Variants in PBX4 observed in about 807,000 individuals in gnomAD.
The protein encoded by PBX4 is pre-B-cell leukemia transcription factor 4.
Under a neutral mutation model 35.1 loss-of-function variants are expected in PBX4, and 26 were observed. That is an observed-to-expected ratio of 0.74 (90% confidence interval 0.54 to 1.03). The LOEUF is 1.03. Ranked by LOEUF, PBX4 falls within the 50% of genes least tolerant of loss-of-function variation. The pLI is 0.00. For missense variants in PBX4, 448 were observed against 504.3 expected (o/e 0.89, Z 1.07); for synonymous variants, 199 against 204.2 (o/e 0.97, Z 0.22).
At chr19:19,617,142 C>T (rs1240219660) in intron 1 of PBX4, among the ~76,000 whole-genome samples, 2 of 152,154 alleles carry the variant, frequency 1.3e-5, no homozygotes, top group African/African-American at 4.8e-5. Context: ...AGCATGCAAC[C>T]CCTATCCCTA....
At chr19:19,579,971 G>C (rs899868341) in intron 2 of PBX4, 1 of 152,382 alleles carries the variant, frequency 6.6e-6, no homozygotes, top group Non-Finnish European at 1.5e-5. Flanking sequence ...CGGAATGAGC[G>C]TTGGAGACGG....
chr19:19,580,992 C>T (rs1477933331), intron 2 of PBX4, among the ~76,000 whole-genome samples: 1 of 152,202 alleles, frequency 6.6e-6, no homozygotes, highest in Non-Finnish European at 1.5e-5. Context: ...CTTGGCCTCC[C>T]AAAGTGCTAG....
At chr19:19,568,516 C>T (rs1410026769) in intron 5 of PBX4, among the ~76,000 whole-genome samples, 1 of 144,568 alleles carries the variant, frequency 6.9e-6, no homozygotes, top group Non-Finnish European at 1.5e-5. Flanking sequence ...GGAGCTCACA[C>T]TCCATCTGTA....
chr19:19,573,328 TATACACACACAC>T (rs1183872549), intron 2 of PBX4, among the ~76,000 whole-genome samples: 4 of 92,138 alleles, frequency 4.3e-5, no homozygotes, highest in Admixed American at 1.4e-4. Context: ...AAAAAAAAAA[TATACACACACAC>T]ACACACACAC....
At chr19:19,610,848 C>A (rs1456558547) in intron 1 of PBX4, among the ~76,000 whole-genome samples, 1 of 152,278 alleles carries the variant, frequency 6.6e-6, no homozygotes, top group Middle Eastern at 3.4e-3. Context: ...GCTAAGCCTG[C>A]AAGCAAGCTA....
At chr19:19,609,034 G>A (rs2061647319) in intron 1 of PBX4, among the ~76,000 whole-genome samples, 1 of 152,278 alleles carries the variant, frequency 6.6e-6, no homozygotes, top group East Asian at 1.9e-4. Flanking sequence ...ACTTTTAAAA[G>A]TGTCCTGTAA....
At chr19:19,582,081 C>A (rs925686964) in intron 2 of PBX4, among the ~76,000 whole-genome samples, 9 of 152,120 alleles carry the variant, frequency 5.9e-5, no homozygotes, top group African/African-American at 9.7e-5. Flanking sequence ...GAACCCAAGG[C>A]CCCCTACCTT....
At chr19:19,605,156 G>A (rs2061622198) in intron 1 of PBX4, among the ~76,000 whole-genome samples, 2 of 151,170 alleles carry the variant, frequency 1.3e-5, no homozygotes, top group African/African-American at 2.4e-5. Context: ...AGTGGCTCAC[G>A]CCTGGAATCC....
chr19:19,591,600 A>G (rs1177027306), intron 2 of PBX4, among the ~76,000 whole-genome samples: 3 of 152,212 alleles, frequency 2.0e-5, no homozygotes, highest in Non-Finnish European at 2.9e-5. Flanking sequence ...GCCCCTTCTC[A>G]AGAACGGCCC....
chr19:19,570,570 C>A lies in PBX4; in HGVS notation c.441+16G>T, dbSNP rs375960703. The A allele has an allele frequency of 6.2e-7, 1 of 1,609,608 alleles. No individual in the cohort carries two copies. The highest frequency in any genetic ancestry group is 1.3e-5 in the African/African-American group (1 of 74,862). On this transcript the variant is annotated intron_variant, in intron 3 of 7. Transcript: ENST00000251203. ...CGCATTCACATGACAGAAACTCTTC[C>A]ATGCAGAAAGATCACCTGTTCATAT...
intron 1 of PBX4, among the ~76,000 whole-genome samples, chr19:19,603,918 C>T (rs540020582): frequency 1.6e-4 from 24 of 145,966 alleles, no homozygotes; most frequent in Non-Finnish European, 2.4e-4. Context: ...GCCGAGAACA[C>T]GCCACTGCAT....
chr19:19,618,547 G>T lies in PBX4; in HGVS notation c.83C>A (p.Ala28Asp). ...CTCGTCCAGGCTCTGGTCGGTGATG[G>T]CCATGATCTGCTGCAGGACGTCGCT... Reference protein sequence around the residue: ...DTSDVLQQIMAITDQSLDEAQ... With the variant: ...DTSDVLQQIMDITDQSLDEAQ... Residue 28 changes from alanine to aspartate, a missense_variant, in exon 1 of 8, where the codon GCC (alanine) becomes GAC (aspartate). Transcript: ENST00000251203. 1 of 1,453,826 alleles carries T rather than the reference G, an allele frequency of 6.9e-7. No individual in the cohort carries two copies. The allele number at this position is 1,453,826 out of a possible 1,614,324, so 90.1% of individuals were successfully genotyped here. A position where few individuals can be genotyped will look rare whatever the true frequency, so the allele number is the denominator to read the frequency against.
chr19:19,603,054 C>A (rs1223680555), intron 1 of PBX4, among the ~76,000 whole-genome samples: 1 of 152,150 alleles, frequency 6.6e-6, no homozygotes, highest in Non-Finnish European at 1.5e-5. Flanking sequence ...CCATGCCATG[C>A]CCATTCCTTC....
At chr19:19,593,560 C>T (rs1419256052) in intron 2 of PBX4, among the ~76,000 whole-genome samples, 1 of 152,128 alleles carries the variant, frequency 6.6e-6, no homozygotes, top group African/African-American at 2.4e-5. Context: ...ACAGGTGGGA[C>T]CCACAGCACT....
At position 19,599,339 on chromosome 19, in the gene PBX4, A is replaced by G. The variant is rs2061581943; in HGVS notation, c.146T>C (p.Met49Thr). ...GAGCACGCTGAACAGAGCAGGCTTC[A>G]TCCGATGGCAATTCAGAGCATGCTT... Reference protein sequence around the residue: ...ARKHALNCHRMKPALFSVLCE... With the variant: ...ARKHALNCHRTKPALFSVLCE... The change falls in exon 2 of 8, where the codon ATG becomes ACG. Residue 49 changes from methionine (M) to threonine (T), a missense_variant. Coordinates refer to ENST00000251203, the MANE Select transcript of PBX4 (RefSeq NM_025245.3). 1 of 1,613,558 alleles carries G rather than the reference A, an allele frequency of 6.2e-7. No individual in the cohort carries two copies. The highest frequency in any genetic ancestry group is 8.5e-7 in the Non-Finnish European group (1 of 1,179,654).
chr19:19,618,408 C>T, intron 1 of PBX4, 103 bp downstream of exon 1: 1 of 1,131,544 alleles, frequency 8.8e-7, no homozygotes, highest in Non-Finnish European at 1.1e-6. Flanking sequence ...TCCAGCCCTC[C>T]TCAAGCGCCC....
chr19:19,588,330 T>C (rs2061503775), intron 2 of PBX4: 5 of 1,128,316 alleles, frequency 4.4e-6, no homozygotes, highest in Middle Eastern at 2.0e-4. Context: ...AGATAACACA[T>C]TTGCCATCAC....
chr19:19,571,545 G>A (rs570935930), intron 2 of PBX4, among the ~76,000 whole-genome samples: 1 of 152,200 alleles, frequency 6.6e-6, no homozygotes, highest in African/African-American at 2.4e-5. Context: ...GGTATACACA[G>A]CTGTGGGGTC....
At chr19:19,569,911 A>G (rs2061369896) in intron 4 of PBX4, among the ~76,000 whole-genome samples, 198 bp downstream of exon 4, 3 of 152,268 alleles carry the variant, frequency 2.0e-5, no homozygotes, top group Admixed American at 2.0e-4. Flanking sequence ...CTCCGTCTCA[A>G]ATAAATAAAT....
Sources: gnomAD v4.1 joint callset for allele counts (sites outside exome capture counted in the v4.1 genomes callset) on GRCh38, gnomAD v4.1.1 for gene constraint, MANE v1.5 for transcripts, NCBI Gene and HGNC (gene_info 2026-07-23, HGNC 2026-07-21) for gene names.